Variants in UVRAG observed in about 807,000 individuals in gnomAD.
UVRAG encodes UV radiation resistance associated.
UVRAG carries 19 observed loss-of-function variants against 78.0 expected under a neutral mutation model. The ratio of observed to expected loss-of-function variants is 0.24; its 90% CI spans 0.17 to 0.36. The LOEUF is 0.36. Among genes scored for constraint, UVRAG ranks in the 10% least tolerant of loss-of-function variants. UVRAG has a pLI of 1.00. For synonymous variants in UVRAG, 323 were observed against 324.6 expected (o/e 1.00, Z 0.05); for missense variants, 740 against 853.8 (o/e 0.87, Z 1.66).
At chr11:75,906,567 CG>C (rs1213195841) in intron 5 of UVRAG, among the ~76,000 whole-genome samples, 1 of 152,054 alleles carries the variant, frequency 6.6e-6, no homozygotes, top group Non-Finnish European at 1.5e-5. Flanking sequence ...AGGCTGGTCT[CG>C]AACTCCTGAC....
intron 2 of UVRAG, among the ~76,000 whole-genome samples, chr11:75,860,249 A>G (rs1258032208): frequency 6.6e-6 from 1 of 152,192 alleles, no homozygotes; most frequent in Admixed American, 6.5e-5. Flanking sequence ...CCAGCCCCCA[A>G]GTTAACAAAG....
At chr11:75,921,119 A>G (rs1335791037) in intron 6 of UVRAG, among the ~76,000 whole-genome samples, 1 of 152,210 alleles carries the variant, frequency 6.6e-6, no homozygotes, top group Non-Finnish European at 1.5e-5. Context: ...TTTCTGAGTC[A>G]AAGGGTATGT....
intron 12 of UVRAG, 54 bp downstream of exon 12, chr11:76,017,034 T>G: frequency 1.5e-6 from 2 of 1,366,790 alleles, no homozygotes; most frequent in African/African-American, 2.9e-5. Context: ...GTATAAAACA[T>G]GGGGTATAAC....
At chr11:76,017,552 C>G (rs1950171778) in intron 12 of UVRAG, among the ~76,000 whole-genome samples, 1 of 151,958 alleles carries the variant, frequency 6.6e-6, no homozygotes, top group South Asian at 2.1e-4. Context: ...TCAAGAAGCA[C>G]TAACAAAACA....
At chr11:75,880,615 C>T (rs1011541319) in intron 4 of UVRAG, among the ~76,000 whole-genome samples, 5 of 152,154 alleles carry the variant, frequency 3.3e-5, no homozygotes, top group East Asian at 1.9e-4. Flanking sequence ...TGCAATGGCG[C>T]GCAATCTCGG....
intron 3 of UVRAG, among the ~76,000 whole-genome samples, chr11:75,874,225 C>T (rs180994365): frequency 2.4e-4 from 36 of 151,910 alleles, no homozygotes; most frequent in Non-Finnish European, 3.7e-4. Context: ...TCTCTTTAGC[C>T]CGCCTTTGTT....
At chr11:76,050,775 C>T (rs1950849713) in intron 12 of UVRAG, among the ~76,000 whole-genome samples, 1 of 152,034 alleles carries the variant, frequency 6.6e-6, no homozygotes, top group Non-Finnish European at 1.5e-5. Context: ...GAGGTTGAGT[C>T]ATAGATTTTC....
intron 14 of UVRAG, among the ~76,000 whole-genome samples, chr11:76,118,971 G>A (rs113338216): frequency 6.6e-6 from 1 of 152,238 alleles, no homozygotes; most frequent in East Asian, 1.9e-4. Flanking sequence ...TTGTTGCTGG[G>A]GAGAGTGTAG....
chr11:75,842,559 A>G lies in UVRAG; in HGVS notation c.118-9324A>G, dbSNP rs369248565. 4.7e-5 allele frequency among the ~76,000 whole-genome samples: 7 copies of G among 150,454 alleles called. No individual in the cohort carries two copies. In the South Asian group the frequency reaches 1.5e-3, roughly 32 times the overall value. ...TGGGTTCAAACGATTCTCCTGCCTC[A>G]GCCTCCCGAGTACTTGGGATTACAG... On this transcript the variant is annotated intron_variant, in intron 1 of 14. Coordinates refer to ENST00000356136, the MANE Select transcript of UVRAG (RefSeq NM_003369.4).
chr11:76,129,747 C>A (rs1311529585), intron 14 of UVRAG, among the ~76,000 whole-genome samples: 1 of 152,134 alleles, frequency 6.6e-6, no homozygotes, highest in Non-Finnish European at 1.5e-5. Context: ...CCATTCTGAT[C>A]CATGCCTCCA....
chr11:76,119,501 T>C (rs957484239), intron 14 of UVRAG, among the ~76,000 whole-genome samples: 2 of 151,910 alleles, frequency 1.3e-5, no homozygotes, highest in Admixed American at 6.6e-5. Flanking sequence ...CCCCTGGGAG[T>C]ATTAGAAGCA....
intron 1 of UVRAG, among the ~76,000 whole-genome samples, chr11:75,828,803 A>ATT (rs1412890541): frequency 0.23 from 19,741 of 84,162 alleles, 2,160 homozygotes; most frequent in Non-Finnish European, 0.3. Context: ...ATATATATAT[A>ATT]TATTTTTTTT....
Position 75,924,973 on chromosome 11 carries a change from G to A in UVRAG, c.593+12934G>A, listed in dbSNP as rs12575323. ...ATAAAATAGGAAGAATAAAATCAGC[G>A]TAAAGAAGTAAAGCATTCTTTGAGG... On this transcript the variant is annotated intron_variant, in intron 6 of 14. Transcript: ENST00000356136. 3.8e-4 allele frequency among the ~76,000 whole-genome samples: 58 copies of A among 152,268 alleles called. No homozygotes were observed. The East Asian group carries it at 9.2e-3, about 24-fold the overall frequency.
intron 12 of UVRAG, among the ~76,000 whole-genome samples, chr11:76,025,177 A>G (rs1591147217): frequency 6.6e-6 from 1 of 152,324 alleles, no homozygotes; most frequent in Non-Finnish European, 1.5e-5. Flanking sequence ...GCTGCGTTTC[A>G]CTGTGAGGCT....
chr11:75,888,068 TG>T (rs1162315221), intron 4 of UVRAG, among the ~76,000 whole-genome samples: 1 of 152,220 alleles, frequency 6.6e-6, no homozygotes, highest in East Asian at 1.9e-4. Flanking sequence ...TGGATACTAT[TG>T]CTTTTTTAAA....
chr11:75,889,018 G>T (rs1290087429), intron 5 of UVRAG, 115 bp downstream of exon 5: 3 of 829,126 alleles, frequency 3.6e-6, no homozygotes, highest in Non-Finnish European at 5.3e-6. Context: ...CTTTAAATTT[G>T]TTGCTTAGTG....
At chr11:75,999,250 A>AAAAAGAT (rs1554975480) in intron 8 of UVRAG, among the ~76,000 whole-genome samples, 2 of 147,396 alleles carry the variant, frequency 1.4e-5, no homozygotes, top group Non-Finnish European at 3.0e-5. Flanking sequence ...AAAAAAAAAA[A>AAAAAGAT]AGTCAACTTT....
chr11:76,141,371 C>T lies in UVRAG; in HGVS notation c.2058C>T (p.Asn686=), dbSNP rs750215089. The change falls in exon 15 of 15, where the codon AAC becomes AAT. Residue 686 remains asparagine, a synonymous_variant. Coordinates refer to ENST00000356136, the MANE Select transcript of UVRAG (RefSeq NM_003369.4). ...FSRRIYALNE[N]VSSFRRPRRS... ...GAAGGATCTATGCACTGAATGAAAA[C>T]GTATCCAGCTTCCGCCGGCCGCGCA... The T allele has an allele frequency of 2.2e-5, 36 of 1,614,052 alleles. No individual in the cohort carries two copies. The Admixed American group carries it at 2.3e-4, about 10-fold the overall frequency.
chr11:76,113,872 C>T (rs1176325572), intron 13 of UVRAG, among the ~76,000 whole-genome samples: 3 of 152,018 alleles, frequency 2.0e-5, no homozygotes, highest in Non-Finnish European at 4.4e-5. Flanking sequence ...TAGTACTATG[C>T]AGCAAATGGA....
Sources: gnomAD v4.1 joint callset for allele counts (sites outside exome capture counted in the v4.1 genomes callset) on GRCh38, gnomAD v4.1.1 for gene constraint, MANE v1.5 for transcripts, NCBI Gene and HGNC (gene_info 2026-07-23, HGNC 2026-07-21) for gene names.